PPP1R13B: variants seen among roughly 807,000 people sequenced by gnomAD.
PPP1R13B encodes the protein protein phosphatase 1 regulatory subunit 13B.
A neutral mutation model predicts 119.8 loss-of-function variants in PPP1R13B; 44 were observed. The ratio of observed to expected loss-of-function variants is 0.37; its 90% confidence interval spans 0.29 to 0.47. The LOEUF (loss-of-function observed/expected upper bound fraction) is 0.47. Ranked by LOEUF, PPP1R13B falls within the 20% of genes least tolerant of loss-of-function variation. The probability of loss-of-function intolerance (pLI) is 0.99; values close to 1 mark genes in which losing one functional copy is unlikely to be tolerated. For synonymous variants in PPP1R13B, 542 were observed against 561.5 expected, an observed-to-expected ratio of 0.97 and a Z score of 0.49; for missense variants, 1,227 against 1,413.5, an observed-to-expected ratio of 0.87 and a Z score of 2.12.
At chr14:103,848,451 AG>A (rs1459132814), upstream of PPP1R13B, 1 of 985,312 alleles carries the variant, frequency 1.0e-6, no homozygotes, top group Non-Finnish European at 1.2e-6. Flanking sequence ...AAAGGCTGCC[AG>A]GGGGGTAGGC....
chr14:103,836,325 C>T (rs908798739), intron 1 of PPP1R13B, among the ~76,000 whole-genome samples: 1 of 151,948 alleles, frequency 6.6e-6, no homozygotes, highest in Non-Finnish European at 1.5e-5. Flanking sequence ...AGATTACAGG[C>T]GTGAACCACC....
intron 5 of PPP1R13B, among the ~76,000 whole-genome samples, chr14:103,757,213 C>G (rs1316914226): frequency 6.6e-6 from 1 of 152,112 alleles, no homozygotes; most frequent in East Asian, 1.9e-4. Flanking sequence ...CCACATGCCA[C>G]CATGCCTAAT....
chr14:103,847,943 C>T (rs2087109648), upstream of PPP1R13B, among the ~76,000 whole-genome samples: 1 of 151,694 alleles, frequency 6.6e-6, no homozygotes, highest in Admixed American at 6.6e-5. Context: ...CTCCCGGGGG[C>T]CGACTGTGGG....
chr14:103,774,012 T>A (rs922753448), intron 4 of PPP1R13B, among the ~76,000 whole-genome samples: 1 of 152,234 alleles, frequency 6.6e-6, no homozygotes, highest in Non-Finnish European at 1.5e-5. Context: ...TCAATTGATC[T>A]GACAAAGGTG....
chr14:103,816,888 ACTATT>A (rs2152065196), intron 1 of PPP1R13B, among the ~76,000 whole-genome samples: 1 of 152,288 alleles, frequency 6.6e-6, no homozygotes, highest in East Asian at 1.9e-4. Flanking sequence ...CTTAGTAAAT[ACTATT>A]CATCTGATGA....
chr14:103,747,987 C>T (rs1238399766), intron 8 of PPP1R13B, among the ~76,000 whole-genome samples: 1 of 151,982 alleles, frequency 6.6e-6, no homozygotes, highest in African/African-American at 2.4e-5. Flanking sequence ...CCTCCCTGGG[C>T]CTCCACGCTG....
chr14:103,824,039 CT>C (rs35194586), intron 1 of PPP1R13B, among the ~76,000 whole-genome samples: 8,924 of 75,076 alleles, frequency 0.12, 98 homozygotes, highest in African/African-American at 0.14. Context: ...CTACCTCATC[CT>C]TTTTTTTTTT....
At chr14:103,837,066 C>T (rs2086795385) in intron 1 of PPP1R13B, among the ~76,000 whole-genome samples, 1 of 152,206 alleles carries the variant, frequency 6.6e-6, no homozygotes, top group Non-Finnish European at 1.5e-5. Context: ...ACAGAAATTA[C>T]ACCTCTACAA....
intron 1 of PPP1R13B, among the ~76,000 whole-genome samples, chr14:103,800,332 A>T (rs2085868284): frequency 6.6e-6 from 1 of 151,944 alleles, no homozygotes; most frequent in Non-Finnish European, 1.5e-5. Flanking sequence ...GCATTCGAGT[A>T]AGCATATGAT....
Position 103,787,231 on chromosome 14 carries a change from C to T in PPP1R13B, c.158-2317G>A, listed in dbSNP as rs548837912. Among the ~76,000 whole-genome samples the T allele has an allele frequency of 2.0e-5, 3 of 151,726 alleles. No individual in the cohort carries two copies. The East Asian group carries it at 5.9e-4, about 30-fold the overall frequency. On this transcript the variant is annotated intron_variant, in intron 2 of 16. Transcript: ENST00000202556. ...TGGGAGGCTAAGGCAGGTGGACCAC[C>T]TGAGGTTAGGAGTTCAAGACCAGCC...
chr14:103,783,991 T>C (rs926421883), intron 3 of PPP1R13B, among the ~76,000 whole-genome samples: 12 of 152,204 alleles, frequency 7.9e-5, no homozygotes, highest in Non-Finnish European at 1.2e-4. Context: ...TTTTAAAATC[T>C]AGATGTTTGA....
At chr14:103,824,611 G>A (rs961083485) in intron 1 of PPP1R13B, among the ~76,000 whole-genome samples, 12 of 151,414 alleles carry the variant, frequency 7.9e-5, no homozygotes, top group East Asian at 2.0e-4. Flanking sequence ...CACGAGAATC[G>A]GTTGAACTGG....
intron 4 of PPP1R13B, among the ~76,000 whole-genome samples, chr14:103,769,117 G>A (rs1026726299): frequency 4.6e-5 from 7 of 152,018 alleles, no homozygotes; most frequent in Admixed American, 1.3e-4. Context: ...ATGGAGTCTC[G>A]CTCTGTCACC....
chr14:103,742,539 C>T lies in PPP1R13B; in HGVS notation c.1320+115G>A. 1 of 1,418,140 alleles carries T rather than the reference C, an allele frequency of 7.1e-7. No individual in the cohort carries two copies. Among genetic ancestry groups the T allele is most frequent in the East Asian group, 2.3e-5 (1 of 43,604 alleles). The allele number at this position is 1,418,140 out of a possible 1,614,324, so 87.8% of individuals were successfully genotyped here. A position where few individuals can be genotyped will look rare whatever the true frequency, so the allele number is the denominator to read the frequency against. ...TCTAGGACTTTGGGTGTTGTCTGGA[C>T]AATAACAGGATTAACTTGCCTCCTG... is the stretch of plus-strand genomic sequence containing the variant. On this transcript the variant is annotated intron_variant, in intron 10 of 16. Transcript: ENST00000202556. This position sits in a 1 kb window ranked among gnomAD's most constrained non-coding sequence, Gnocchi z 4.9.
At chr14:103,756,034 A>G (rs1222669377) in intron 5 of PPP1R13B, among the ~76,000 whole-genome samples, 2 of 152,198 alleles carry the variant, frequency 1.3e-5, no homozygotes, top group Non-Finnish European at 2.9e-5. Flanking sequence ...GAAGAAAGCA[A>G]TAAGAACCTA....
At chr14:103,825,221 TC>T (rs1257639274) in intron 1 of PPP1R13B, among the ~76,000 whole-genome samples, 7 of 152,092 alleles carry the variant, frequency 4.6e-5, no homozygotes, top group African/African-American at 1.7e-4. Context: ...AACTGGCCAT[TC>T]CCCCATTTCT....
intron 1 of PPP1R13B, among the ~76,000 whole-genome samples, chr14:103,807,740 C>T (rs1326265956): frequency 3.9e-5 from 6 of 152,062 alleles, no homozygotes; most frequent in Non-Finnish European, 8.8e-5. Context: ...GTGATCCATC[C>T]ACCTTGGCCT....
In PPP1R13B at chr14:103,771,156, G is replaced by C. The variant is rs140278154; in HGVS notation, c.354+7589C>G. The stretch of plus-strand genomic sequence containing the variant: ...GCCCCCTAACTATCTGTAACCACTA[G>C]ACAGCTCTCATGAAAGCGTCATGAT... On this transcript the variant is annotated intron_variant, in intron 4 of 16. Transcript: ENST00000202556. 2.1e-3 allele frequency among the ~76,000 whole-genome samples: 318 copies of C among 152,266 alleles called. 2 individuals carry two copies. Among genetic ancestry groups the C allele is most frequent in the African/African-American group, 6.8e-3 (281 of 41,560 alleles).
intron 1 of PPP1R13B, among the ~76,000 whole-genome samples, chr14:103,798,152 C>CT (rs768163941): frequency 0.019 from 2,509 of 129,138 alleles, 146 homozygotes; most frequent in African/African-American, 0.066. Flanking sequence ...ATAATAATCT[C>CT]TTTTTTTTTT....
Sources: allele counts gnomAD v4.1 joint callset (sites outside exome capture counted in the v4.1 genomes callset), GRCh38; gene constraint gnomAD v4.1.1; non-coding constraint Gnocchi (gnomAD v3.1); transcripts MANE v1.5; gene names NCBI Gene and HGNC (gene_info 2026-07-23, HGNC 2026-07-21).